SIM1: variants seen among roughly 807,000 people sequenced by gnomAD.
SIM1 encodes single-minded homolog 1.
SIM1 carries 18 observed loss-of-function variants against 78.2 expected under a neutral mutation model. The observed-to-expected ratio is 0.23, with a 90% confidence interval of 0.16 to 0.34. SIM1 has a LOEUF of 0.34. SIM1 is among the 10% of genes least tolerant of loss of function. SIM1 has a pLI of 1.00. For synonymous variants in SIM1, 417 were observed against 385.2 expected (o/e 1.08, Z -0.97); for missense variants, 939 against 975.1 (o/e 0.96, Z 0.49).
intron 9 of SIM1, among the ~76,000 whole-genome samples, chr6:100,431,512 G>A (rs1184484715): frequency 6.6e-6 from 1 of 152,110 alleles, no homozygotes; most frequent in Non-Finnish European, 1.5e-5. Context: ...GTATTATTCT[G>A]TGCTTCAGTA....
chr6:100,436,577 G>A (rs1772056744), intron 9 of SIM1, among the ~76,000 whole-genome samples: 2 of 152,198 alleles, frequency 1.3e-5, no homozygotes, highest in East Asian at 1.9e-4. Flanking sequence ...TAATTCACAT[G>A]TACTCAGTGT....
At chr6:100,412,697 AAGAAAG>A (rs1292779680) in intron 10 of SIM1, among the ~76,000 whole-genome samples, 24 of 114,472 alleles carry the variant, frequency 2.1e-4, no homozygotes, top group Admixed American at 3.0e-4. Flanking sequence ...GAAAGAAAGA[AAGAAAG>A]AAAGAAAGAA....
intron 2 of SIM1, among the ~76,000 whole-genome samples, chr6:100,457,996 GTCTCTCTCTTTCTCTCTC>G (rs1676502241): frequency 8.3e-5 from 9 of 107,804 alleles, no homozygotes; most frequent in African/African-American, 2.1e-4. Context: ...ACCGCTGTCT[GTCTCTCTCTTTCTCTCTC>G]TCTCTCTCTC....
chr6:100,457,448 G>A (rs1413330813), intron 2 of SIM1, among the ~76,000 whole-genome samples: 1 of 152,230 alleles, frequency 6.6e-6, no homozygotes, highest in South Asian at 2.1e-4. Flanking sequence ...TCAACCAACT[G>A]TGTATCCCTT....
chr6:100,448,156 C>T lies in SIM1; in HGVS notation c.840G>A (p.Ala280=), dbSNP rs937173436. ...AGGGTGGCGCCTTACGCAAATGGTG[C>T]GCGCAGCGCAGGTGGAAGGTGTCGC... ...HGCDTFHLRC[A]HHLLLVKGQV... The change falls in exon 8 of 12, where the codon GCG becomes GCA. Residue 280 remains alanine, a synonymous_variant. Transcript: ENST00000369208. 3 of 1,612,494 alleles carry T rather than the reference C, an allele frequency of 1.9e-6. No homozygotes were observed. Among genetic ancestry groups the T allele is most frequent in the Non-Finnish European group, 1.7e-6 (2 of 1,179,468 alleles).
chr6:100,423,243 G>T (rs1771641665), intron 9 of SIM1, among the ~76,000 whole-genome samples: 1 of 152,180 alleles, frequency 6.6e-6, no homozygotes, highest in African/African-American at 2.4e-5. Flanking sequence ...CATCCAAACA[G>T]TTGTCCCTGA....
chr6:100,397,208 A>C (rs1405074368), intron 10 of SIM1, among the ~76,000 whole-genome samples: 6 of 152,172 alleles, frequency 3.9e-5, no homozygotes, highest in Admixed American at 1.3e-4. Context: ...CCTTTTGGTC[A>C]ATGAATTATT....
chr6:100,438,961 G>C (rs186824185), intron 9 of SIM1, among the ~76,000 whole-genome samples: 48 of 152,278 alleles, frequency 3.2e-4, no homozygotes, highest in African/African-American at 1.1e-3. Flanking sequence ...GCTTCCAGGG[G>C]AAAGGTTGTG....
intron 2 of SIM1, among the ~76,000 whole-genome samples, chr6:100,462,110 G>C (rs1272515433): frequency 6.6e-6 from 1 of 152,074 alleles, no homozygotes; most frequent in Non-Finnish European, 1.5e-5. Flanking sequence ...CAAGCAAAGT[G>C]AAACTGCAAA....
At chr6:100,442,908 C>CG (rs1254599865) in intron 9 of SIM1, among the ~76,000 whole-genome samples, 2 of 151,922 alleles carry the variant, frequency 1.3e-5, no homozygotes, top group Non-Finnish European at 2.9e-5. Flanking sequence ...AAGGATATGT[C>CG]GGGTTTTATA....
In SIM1 at chr6:100,453,857, A is replaced by G. The variant is rs779006869; in HGVS notation, c.176-13T>C. On this transcript the variant is annotated splice_polypyrimidine_tract_variant and intron_variant, in intron 2 of 11. Coordinates refer to ENST00000369208, the MANE Select transcript of SIM1 (RefSeq NM_005068.3). ...GCCTCGCCGAGCCCTGTGGAGACAC[A>G]GAAGCATCCTGTAGCCACTGAACCC... 2 of 1,604,206 alleles carry G rather than the reference A, an allele frequency of 1.2e-6. No individual in the cohort carries two copies. The highest frequency in any genetic ancestry group is 2.2e-5 in the South Asian group (2 of 89,636).
intron 9 of SIM1, among the ~76,000 whole-genome samples, chr6:100,440,629 A>G (rs1024119146): frequency 4.6e-5 from 7 of 152,206 alleles, no homozygotes; most frequent in African/African-American, 1.4e-4. Flanking sequence ...AAATTCCTCT[A>G]TTGACAGGTA....
intron 10 of SIM1, among the ~76,000 whole-genome samples, chr6:100,418,280 C>G (rs1377446410): frequency 6.6e-6 from 1 of 151,774 alleles, no homozygotes; most frequent in East Asian, 1.9e-4. Context: ...TTGCTTGAGC[C>G]TAGGAGTTTG....
rs370918708 is a variant in SIM1 at position 100,396,037 on chromosome 6, C to T, written c.1168-2148G>A. On this transcript the variant is annotated intron_variant, in intron 10 of 11. Coordinates refer to ENST00000369208, the MANE Select transcript of SIM1 (RefSeq NM_005068.3). ...GGTTGTAGAATAGGAGACATCAAGG[C>T]ATCCTGGGGCTCGGTACCTACATCA... 1.5e-5 allele frequency: 14 copies of T among 962,284 alleles called. No individual in the cohort carries two copies. The African/African-American group carries it at 2.3e-4, about 16-fold the overall frequency. The allele number at this position is 962,284 out of a possible 1,614,324, so 59.6% of individuals were successfully genotyped here. A position where few individuals can be genotyped will look rare whatever the true frequency, so the allele number is the denominator to read the frequency against.
Position 100,464,260 on chromosome 6 carries a change from G to A in SIM1, c.-467-325C>T, listed in dbSNP as rs116538689. Among the ~76,000 whole-genome samples, 953 of 152,294 alleles carry A rather than the reference G, an allele frequency of 6.3e-3. 12 individuals are homozygous for A. The highest frequency in any genetic ancestry group is 0.022 in the African/African-American group (908 of 41,562). On this transcript the variant is annotated intron_variant, in intron 1 of 11. Coordinates refer to ENST00000369208, the MANE Select transcript of SIM1 (RefSeq NM_005068.3). ...CAGGCCGGGCGCACGTCCCAGGAAA[G>A]CAGGTTTCCGCAAATCAGAATTCCT...
intron 9 of SIM1, among the ~76,000 whole-genome samples, chr6:100,421,543 TACA>T (rs1320653305): frequency 6.6e-6 from 1 of 152,222 alleles, no homozygotes; most frequent in Non-Finnish European, 1.5e-5. Flanking sequence ...GACTTTGTGC[TACA>T]ATACAGGGGG....
In SIM1 at chr6:100,390,587, G is replaced by C. The variant is rs757043702; in HGVS notation, c.2075C>G (p.Pro692Arg). Residue 692 changes from proline (P) to arginine (R), a missense_variant, in exon 12 of 12, where the codon CCT becomes CGT. Pro to Arg is a moderately radical substitution (Grantham distance 103, BLOSUM62 -2). This residue lies in a region of SIM1 where 556 missense variants were observed against 521.9 expected (regional missense o/e 1.07). Transcript: ENST00000369208. ...ISPHQTAGDH[P>R]TVSPNCFGSH... ...GCCAAAGCAGTTTGGAGAGACAGTA[G>C]GGTGGTCTCCTGCTGTCTGATGAGG... 3 of 1,614,072 alleles carry C rather than the reference G, an allele frequency of 1.9e-6. No individual in the cohort carries two copies. Among genetic ancestry groups the C allele is most frequent in the African/African-American group, 2.7e-5 (2 of 74,922 alleles).
At chr6:100,411,173 A>C (rs2114488279) in intron 10 of SIM1, among the ~76,000 whole-genome samples, 1 of 152,342 alleles carries the variant, frequency 6.6e-6, no homozygotes, top group East Asian at 1.9e-4. Context: ...TGGGTAACTG[A>C]GATGGAAGAT....
intron 2 of SIM1, among the ~76,000 whole-genome samples, chr6:100,456,124 AC>A (rs1341665342): frequency 6.7e-6 from 1 of 149,388 alleles, no homozygotes; most frequent in Non-Finnish European, 1.5e-5. Context: ...TAGAAATCTT[AC>A]GATTGTGTCT....
Sources: gnomAD v4.1 joint callset for allele counts (sites outside exome capture counted in the v4.1 genomes callset) on GRCh38, gnomAD v4.1.1 for gene constraint, gnomAD v4.1.1 regional missense constraint, MANE v1.5 for transcripts, NCBI Gene and HGNC (gene_info 2026-07-23, HGNC 2026-07-21) for gene names.